Variants in HDAC7 observed in about 807,000 individuals in gnomAD.
HDAC7 encodes the protein histone deacetylase 7.
Under a neutral mutation model 115.5 loss-of-function variants are expected in HDAC7, and 26 were observed. The observed-to-expected ratio is 0.23, with a 90% CI of 0.16 to 0.31. The LOEUF (loss-of-function observed/expected upper bound fraction) is 0.31, where lower values mean the gene tolerates loss of function less well. Ranked by LOEUF, HDAC7 falls within the 10% of genes least tolerant of loss-of-function variation. The pLI, the probability that HDAC7 is intolerant of heterozygous loss-of-function variation, is 1.00. For synonymous variants in HDAC7, 564 were observed against 550.9 expected (o/e 1.02, Z -0.33); for missense variants, 1,068 against 1,329.0 (o/e 0.80, Z 3.05).
At chr12:47,799,088 A>C (rs1944035819) in intron 2 of HDAC7, 116 bp from the exon 3 acceptor site, 109 of 677,446 alleles carry the variant, frequency 1.6e-4, no homozygotes, top group Non-Finnish European at 2.3e-4. Context: ...AAACACTCTC[A>C]TGGGGGTTTT....
rs1232633661 is a variant in HDAC7 at position 47,797,891 on chromosome 12, T to TGTGTGTGTGTGTGA, written c.461+216_461+217insTCACACACACACAC. Reference sequence around the variant, plus strand: ...GTGTGTGTGTGTGTGTGTGTGTGTGTGTGTGAGAAGGGCTCAGGTGGGGTG... The same window carrying TGTGTGTGTGTGTGA: ...GTGTGTGTGTGTGTGTGTGTGTGTGTGTGTGTGTGTGTGAGTGTGAGAAGGGCTCAGGTGGGGTG... On this transcript the variant is annotated intron_variant, in intron 5 of 25. Transcript: ENST00000080059. The surrounding 1 kb of genome is among the most constrained non-coding windows in gnomAD (Gnocchi z 5.5). Among the ~76,000 whole-genome samples, 1 of 149,804 alleles carries TGTGTGTGTGTGTGA rather than the reference T, an allele frequency of 6.7e-6. No homozygotes were observed. The highest frequency in any genetic ancestry group is 1.5e-5 in the Non-Finnish European group (1 of 67,564).
In HDAC7 at chr12:47,798,577, C is replaced by T; in HGVS notation, c.334G>A (p.Asp112Asn). Residue 112 changes from aspartate to asparagine, a missense_variant, in exon 4 of 26, where the codon GAC becomes AAC. Physicochemically the swap from Asp to Asn is conservative, Grantham distance 23. Coordinates refer to ENST00000080059, the MANE Select transcript of HDAC7 (RefSeq NM_015401.5). The surrounding 1 kb of genome is among the most constrained non-coding windows in gnomAD (Gnocchi z 4.3). ...EQELRQLLHKDKSKRSAVASS... is the reference protein window; with the variant it reads ...EQELRQLLHKNKSKRSAVASS... ...ACCTCCTTACTTCGCTTGCTCTTGT[C>T]CTTGTGGAGAAGCTGCCGCAGCTCT... 6 of 1,613,992 alleles carry T rather than the reference C, an allele frequency of 3.7e-6. No individual in the cohort carries two copies. The highest frequency in any genetic ancestry group is 5.1e-6 in the Non-Finnish European group (6 of 1,179,902).
chr12:47,796,288 T>A lies in HDAC7; in HGVS notation c.714A>T (p.Pro238=). 2.5e-6 allele frequency: 4 copies of A among 1,598,522 alleles called. No homozygotes were observed. The highest frequency in any genetic ancestry group is 3.4e-6 in the Non-Finnish European group (4 of 1,175,136). ...RPAETLGDSS[P]SSSSTPASGC... is the part of the protein sequence containing the mutation. ...CTGATGCGGGCGTGCTGCTACTACTTGGGGAGGAGTCTGAGGGTTGGGGAG... is the reference window on the plus strand; with the variant it reads ...CTGATGCGGGCGTGCTGCTACTACTAGGGGAGGAGTCTGAGGGTTGGGGAG... The change falls in exon 8 of 26, where the codon CCA becomes CCT. Residue 238 remains proline, a synonymous_variant. Coordinates refer to ENST00000080059, the MANE Select transcript of HDAC7 (RefSeq NM_015401.5).
chr12:47,787,583 G>A (rs1020367344), intron 21 of HDAC7, 129 bp downstream of exon 21: 22 of 640,302 alleles, frequency 3.4e-5, no homozygotes, highest in Middle Eastern at 8.5e-4. Flanking sequence ...TCTCACTGGC[G>A]TTCACCTACA....
At chr12:47,799,819 G>A (rs1446486667) in intron 2 of HDAC7, among the ~76,000 whole-genome samples, 1 of 152,248 alleles carries the variant, frequency 6.6e-6, no homozygotes, top group East Asian at 1.9e-4. Flanking sequence ...AGGCTGGGCT[G>A]AGCAGCCAGA....
chr12:47,791,812 C>T, intron 14 of HDAC7, 59 bp downstream of exon 14: 1 of 1,558,930 alleles, frequency 6.4e-7, no homozygotes, highest in Non-Finnish European at 8.7e-7. Context: ...CCCCCCACCC[C>T]TCCCCTCCCA....
At position 47,791,924 on chromosome 12, in the gene HDAC7, T is replaced by C; in HGVS notation, c.1759A>G (p.Ile587Val). Residue 587 changes from isoleucine (I) to valine (V), a missense_variant, in exon 14 of 26, where the codon ATC becomes GTC. By Grantham distance (29) the Ile-to-Val change is conservative. Coordinates refer to ENST00000080059, the MANE Select transcript of HDAC7 (RefSeq NM_015401.5). ...NSRHPEHAGR[I>V]QSIWSRLQER... is the part of the protein sequence containing the mutation. Reference sequence around the variant, plus strand: ...TGCAGCCGGGACCAGATGCTCTGGATGCGGCCGGCGTGCTCCGGGTGCCTG... The same window carrying C: ...TGCAGCCGGGACCAGATGCTCTGGACGCGGCCGGCGTGCTCCGGGTGCCTG... 6.2e-7 allele frequency: 1 copy of C among 1,611,312 alleles called. No individual in the cohort carries two copies. Among genetic ancestry groups the C allele is most frequent in the Non-Finnish European group, 8.5e-7 (1 of 1,179,362 alleles).
At chr12:47,818,722 T>C (rs1944918479) in intron 1 of HDAC7, among the ~76,000 whole-genome samples, 1 of 152,214 alleles carries the variant, frequency 6.6e-6, no homozygotes, top group Admixed American at 6.5e-5. Context: ...CTCAGGCAGA[T>C]GTTGCCTAGG....
In HDAC7 at chr12:47,797,702, A is replaced by G. The variant is rs1943932786; in HGVS notation, c.462-203T>C. Among the ~76,000 whole-genome samples, 1 of 152,182 alleles carries G rather than the reference A, an allele frequency of 6.6e-6. No homozygotes were observed. Among genetic ancestry groups the G allele is most frequent in the Non-Finnish European group, 1.5e-5 (1 of 68,018 alleles). ...CAGCTATAGTGCAGAGCTCTGACCT[A>G]GGCATAGAAGCCAGGTGCTTGGTGC... On this transcript the variant is annotated intron_variant, in intron 5 of 25. Transcript: ENST00000080059. This position sits in a 1 kb window ranked among gnomAD's most constrained non-coding sequence, Gnocchi z 5.5.
intron 1 of HDAC7, chr12:47,819,173 C>T: frequency 6.6e-6 from 1 of 152,582 alleles, no homozygotes; most frequent in Non-Finnish European, 1.5e-5. Flanking sequence ...GGGGGCAATG[C>T]TCAGAGAAAC....
At chr12:47,810,708 G>A (rs1190439878) in intron 1 of HDAC7, among the ~76,000 whole-genome samples, 1 of 152,134 alleles carries the variant, frequency 6.6e-6, no homozygotes, top group Non-Finnish European at 1.5e-5. Flanking sequence ...GAGCTCTCTG[G>A]AAACTGTCAA....
intron 24 of HDAC7, 140 bp downstream of exon 24, chr12:47,785,247 T>G: frequency 1.4e-6 from 1 of 709,100 alleles, no homozygotes; most frequent in South Asian, 1.8e-5. Flanking sequence ...GCTGCCTGGG[T>G]CACTCACAGG....
At chr12:47,809,753 T>G (rs1422159442) in intron 1 of HDAC7, among the ~76,000 whole-genome samples, 1 of 151,294 alleles carries the variant, frequency 6.6e-6, no homozygotes, top group East Asian at 2.0e-4. Context: ...GTATATTTAG[T>G]AGAGACGGGG....
rs1181454695 is a variant in HDAC7 at position 47,797,328 on chromosome 12, T to C, written c.577+56A>G. 5 of 1,417,950 alleles carry C rather than the reference T, an allele frequency of 3.5e-6. No homozygotes were observed. The African/African-American group carries it at 7.1e-5, about 20-fold the overall frequency. The allele number at this position is 1,417,950 out of a possible 1,614,324, so 87.8% of individuals were successfully genotyped here. On this transcript the variant is annotated intron_variant, in intron 6 of 25. Coordinates refer to ENST00000080059, the MANE Select transcript of HDAC7 (RefSeq NM_015401.5). This position sits in a 1 kb window ranked among gnomAD's most constrained non-coding sequence, Gnocchi z 5.5. Reference sequence around the variant, plus strand: ...CACCCCTGCACACTCCTCCCCCATGTCCGAGGCCCTTCCCCCTTCCTTTGC... The same window carrying C: ...CACCCCTGCACACTCCTCCCCCATGCCCGAGGCCCTTCCCCCTTCCTTTGC...
At chr12:47,784,057 A>G in intron 25 of HDAC7, 22 bp downstream of exon 25, 1 of 1,610,794 alleles carries the variant, frequency 6.2e-7, no homozygotes, top group African/African-American at 1.3e-5. Flanking sequence ...CTGTGGGCCC[A>G]GGGCCAGGGG....
At chr12:47,799,864 C>T (rs537373061) in intron 2 of HDAC7, among the ~76,000 whole-genome samples, 9 of 152,314 alleles carry the variant, frequency 5.9e-5, no homozygotes, top group African/African-American at 2.2e-4. Context: ...GCTGTTGCAG[C>T]GGGCTTATCC....
In HDAC7 at chr12:47,795,612, T is replaced by C. The variant is rs568575320; in HGVS notation, c.1062A>G (p.Ser354=). The part of the protein sequence containing the change: ...RLQPILLLDP[S]GSHAPLLTVP... Reference sequence around the variant, plus strand: ...CAGTCAGCAGCGGGGCATGAGAGCCTGAGGGGTCCAGGAGGAGAATGGGCT... The same window carrying C: ...CAGTCAGCAGCGGGGCATGAGAGCCCGAGGGGTCCAGGAGGAGAATGGGCT... Residue 354 remains serine (S), a synonymous_variant, in exon 10 of 26, where the codon TCA becomes TCG. Transcript: ENST00000080059. This position sits in a 1 kb window ranked among gnomAD's most constrained non-coding sequence, Gnocchi z 4.3. 1.3e-6 allele frequency: 2 copies of C among 1,561,410 alleles called. No homozygotes were observed. The highest frequency in any genetic ancestry group is 2.7e-5 in the African/African-American group (2 of 73,540).
chr12:47,795,987 C>G lies in HDAC7; in HGVS notation c.825G>C (p.Gln275His), dbSNP rs1330663159. 33 of 1,549,710 alleles carry G rather than the reference C, an allele frequency of 2.1e-5. No homozygotes were observed. Among genetic ancestry groups the G allele is most frequent in the Non-Finnish European group, 2.8e-5 (32 of 1,147,034 alleles). Residue 275 changes from glutamine to histidine, a missense_variant, in exon 9 of 26, where the codon CAG becomes CAC. Physicochemically the swap from Gln to His is conservative, Grantham distance 24 (BLOSUM62 0). Coordinates refer to ENST00000080059, the MANE Select transcript of HDAC7 (RefSeq NM_015401.5). This position sits in a 1 kb window ranked among gnomAD's most constrained non-coding sequence, Gnocchi z 4.3. ...EALLGQRLRL[Q>H]ETSVAPFALP... ...AGGCGAACGGGGCCACAGAAGTCTCCTGCAGCCGCAGCCGCTGGCCCAAGA... is the reference window on the plus strand; with the variant it reads ...AGGCGAACGGGGCCACAGAAGTCTCGTGCAGCCGCAGCCGCTGGCCCAAGA...
chr12:47,783,983 G>T, intron 25 of HDAC7, 96 bp downstream of exon 25: 1 of 1,602,130 alleles, frequency 6.2e-7, no homozygotes, highest in Admixed American at 1.7e-5. Flanking sequence ...AGCCTGGGAG[G>T]GTTGGGGTGG....
Sources: allele counts gnomAD v4.1 joint callset (sites outside exome capture counted in the v4.1 genomes callset), GRCh38; gene constraint gnomAD v4.1.1; non-coding constraint Gnocchi (gnomAD v3.1); transcripts MANE v1.5; gene names NCBI Gene and HGNC (gene_info 2026-07-23, HGNC 2026-07-21).